JCAD: variants seen among roughly 807,000 people sequenced by gnomAD.
JCAD encodes the protein junctional cadherin 5 associated.
In JCAD, 40 loss-of-function variants were observed where a neutral mutation model predicts 98.0. The ratio of observed to expected loss-of-function variants is 0.41; its 90% CI spans 0.32 to 0.53. The LOEUF is 0.53. JCAD is among the 20% of genes least tolerant of loss of function. The probability of loss-of-function intolerance (pLI) is 0.31; values close to 1 mark genes in which losing one functional copy is unlikely to be tolerated. For missense variants in JCAD, 1,705 were observed against 1,738.1 expected (o/e 0.98, Z 0.34); for synonymous variants, 691 against 682.3 (o/e 1.01, Z -0.20).
chr10:30,071,160 C>A (rs1837879531), intron 1 of JCAD, among the ~76,000 whole-genome samples: 1 of 152,232 alleles, frequency 6.6e-6, no homozygotes, highest in Non-Finnish European at 1.5e-5. Flanking sequence ...CTGCCTCGGC[C>A]TCCCAAAGTG....
intron 2 of JCAD, among the ~76,000 whole-genome samples, chr10:30,042,094 C>A (rs371348883): frequency 2.6e-5 from 4 of 152,212 alleles, no homozygotes; most frequent in African/African-American, 7.2e-5. Flanking sequence ...TTCATCACTA[C>A]AGTCTGTTAA....
rs531337994 is a variant in JCAD, at chr10:30,028,852, T to A, written c.1296A>T (p.Arg432=). The A allele has an allele frequency of 1.1e-5, 17 of 1,614,170 alleles. No homozygotes were observed. Among genetic ancestry groups the A allele is most frequent in the Non-Finnish European group, 1.3e-5 (15 of 1,180,036 alleles). The change falls in exon 3 of 4, where the codon CGA becomes CGT. Residue 432 remains arginine (R), a synonymous_variant. Coordinates refer to ENST00000375377, the MANE Select transcript of JCAD (RefSeq NM_020848.4). ...QYIPFDDPRL[R]HFKLAQPQGF... ...CCTGGGGCTGAGCTAGTTTAAAATGTCGTAACCGTGGATCATCAAAGGGAA... is the reference window on the plus strand; with the variant it reads ...CCTGGGGCTGAGCTAGTTTAAAATGACGTAACCGTGGATCATCAAAGGGAA...
At chr10:30,040,635 G>A (rs903404386) in intron 2 of JCAD, among the ~76,000 whole-genome samples, 5 of 152,204 alleles carry the variant, frequency 3.3e-5, no homozygotes, top group African/African-American at 1.2e-4. Context: ...AGAAAAGGTG[G>A]TCACTAGTCA....
chr10:30,072,168 G>A (rs1043863091), intron 1 of JCAD, among the ~76,000 whole-genome samples: 28 of 151,894 alleles, frequency 1.8e-4, no homozygotes, highest in African/African-American at 6.8e-4. Flanking sequence ...GAGGAGGGAG[G>A]GAAGGAGAGA....
intron 1 of JCAD, among the ~76,000 whole-genome samples, chr10:30,078,115 G>A (rs983986205): frequency 2.6e-5 from 4 of 152,194 alleles, no homozygotes; most frequent in Non-Finnish European, 5.9e-5. Context: ...TAATGGGTAT[G>A]AAGTGGTATC....
chr10:30,101,133 G>T (rs1425766796), intron 1 of JCAD, among the ~76,000 whole-genome samples: 1 of 152,190 alleles, frequency 6.6e-6, no homozygotes, highest in Non-Finnish European at 1.5e-5. Context: ...GTTCTGGTTG[G>T]GTGCGATGGC....
At chr10:30,056,308 A>G (rs529470177) in intron 1 of JCAD, among the ~76,000 whole-genome samples, 11 of 152,192 alleles carry the variant, frequency 7.2e-5, no homozygotes, top group Non-Finnish European at 1.0e-4. Flanking sequence ...AAAGTGTTTG[A>G]CTTAAATTAT....
In JCAD at chr10:30,028,713, T is replaced by C. The variant is rs1365349034; in HGVS notation, c.1435A>G (p.Ser479Gly). The change falls in exon 3 of 4, where the codon AGC becomes GGC. Residue 479 changes from serine to glycine, a missense_variant. Transcript: ENST00000375377. ...QPDGAIWNPQ[S>G]LIPPSGDERG... Reference sequence around the variant, plus strand: ...TCATCCCCCGACGGGGGTATTAAGCTCTGTGGATTCCAAATGGCACCATCA... The same window carrying C: ...TCATCCCCCGACGGGGGTATTAAGCCCTGTGGATTCCAAATGGCACCATCA... The C allele has an allele frequency of 6.2e-7, 1 of 1,613,540 alleles. No homozygotes were observed. Among genetic ancestry groups the C allele is most frequent in the Non-Finnish European group, 8.5e-7 (1 of 1,179,708 alleles).
chr10:30,110,698 G>A (rs1284139352), intron 1 of JCAD, among the ~76,000 whole-genome samples: 3 of 150,742 alleles, frequency 2.0e-5, no homozygotes, highest in African/African-American at 7.3e-5. Context: ...GATATATGGA[G>A]CAGCTGATGT....
At chr10:30,041,118 T>C (rs1564450608) in intron 2 of JCAD, among the ~76,000 whole-genome samples, 1 of 152,062 alleles carries the variant, frequency 6.6e-6, no homozygotes. Flanking sequence ...GTGGGGAAAC[T>C]GGTGCTGGTA....
intron 3 of JCAD, among the ~76,000 whole-genome samples, chr10:30,019,356 T>TAA (rs1836608972): frequency 1.6e-5 from 1 of 60,860 alleles, no homozygotes; most frequent in African/African-American, 1.1e-4. Flanking sequence ...AAACTCTGTC[T>TAA]CAAAAAAAAA....
chr10:30,026,959 C>A lies in JCAD; in HGVS notation c.3189G>T (p.Glu1063Asp). The A allele has an allele frequency of 1.2e-6, 2 of 1,614,222 alleles. No individual in the cohort carries two copies. Among genetic ancestry groups the A allele is most frequent in the Non-Finnish European group, 1.7e-6 (2 of 1,180,044 alleles). Residue 1063 changes from glutamate (E) to aspartate (D), a missense_variant, in exon 3 of 4, where the codon GAG (glutamate) becomes GAT (aspartate). Physicochemically the swap from Glu to Asp is conservative, Grantham distance 45. Coordinates refer to ENST00000375377, the MANE Select transcript of JCAD (RefSeq NM_020848.4). ...TTGCTTCACCCAAAGACCCCTCTAG[C>A]TCACTGGCACCCTGTTCTTGCCCAG... is the stretch of plus-strand genomic sequence containing the variant. ...LTPGQEQGAS[E>D]LEGSLGEAST...
chr10:30,042,429 A>AT (rs1021871627), intron 2 of JCAD, among the ~76,000 whole-genome samples: 1 of 151,976 alleles, frequency 6.6e-6, no homozygotes, highest in Non-Finnish European at 1.5e-5. Context: ...CTGAAACTCA[A>AT]TTTTTTCAAA....
chr10:30,064,270 G>A (rs1256886358), upstream of JCAD, among the ~76,000 whole-genome samples: 1 of 152,052 alleles, frequency 6.6e-6, no homozygotes, highest in Non-Finnish European at 1.5e-5. Flanking sequence ...GCTAGCATGT[G>A]AGCATGCTCA....
At chr10:30,078,000 A>G (rs1349778673) in intron 1 of JCAD, among the ~76,000 whole-genome samples, 1 of 152,180 alleles carries the variant, frequency 6.6e-6, no homozygotes, top group Non-Finnish European at 1.5e-5. Context: ...TGTTTTCCAT[A>G]AGGACTGTAC....
intron 1 of JCAD, among the ~76,000 whole-genome samples, chr10:30,093,347 T>C (rs1321370967): frequency 6.6e-6 from 1 of 152,200 alleles, no homozygotes; most frequent in African/African-American, 2.4e-5. Flanking sequence ...TATGATAACT[T>C]TTGGTGTCCA....
In JCAD at chr10:30,028,528, T is replaced by C; in HGVS notation, c.1620A>G (p.Gln540=). 1 of 1,614,228 alleles carries C rather than the reference T, an allele frequency of 6.2e-7. No homozygotes were observed. The highest frequency in any genetic ancestry group is 8.5e-7 in the Non-Finnish European group (1 of 1,180,042). ...RGSQHGHTGR[Q]VSSPYSQGES... ...CGCCCTGTGAGTAAGGGGAGGAAACTTGTCTTCCAGTGTGCCCGTGCTGGC... is the reference window on the plus strand; with the variant it reads ...CGCCCTGTGAGTAAGGGGAGGAAACCTGTCTTCCAGTGTGCCCGTGCTGGC... The change falls in exon 3 of 4, where the codon CAA becomes CAG. Residue 540 remains glutamine (Q), a synonymous_variant. Transcript: ENST00000375377.
chr10:30,029,354 C>G lies in JCAD; in HGVS notation c.794G>C (p.Cys265Ser), dbSNP rs974368384. The G allele has an allele frequency of 8.7e-6, 14 of 1,613,794 alleles. No homozygotes were observed. The Admixed American group carries it at 1.3e-4, about 15-fold the overall frequency. Reference sequence around the variant, plus strand: ...CCTCGTGGAGTCCAAATTTGGTGCGCAAGTGGGAGGATACGGTGGCATTTT... The same window carrying G: ...CCTCGTGGAGTCCAAATTTGGTGCGGAAGTGGGAGGATACGGTGGCATTTT... ...SPKMPPYPPT[C>S]APNLDSTRNS... Residue 265 changes from cysteine (C) to serine (S), a missense_variant, in exon 3 of 4, where the codon TGC becomes TCC. By Grantham distance (112) the Cys-to-Ser change is moderately radical. Around this residue, in one of 3 missense-constraint regions of JCAD, gnomAD observed 275 missense variants for 346.9 expected, o/e 0.79. Coordinates refer to ENST00000375377, the MANE Select transcript of JCAD (RefSeq NM_020848.4).
intron 1 of JCAD, among the ~76,000 whole-genome samples, chr10:30,082,469 A>G (rs1021913482): frequency 3.9e-5 from 6 of 152,206 alleles, no homozygotes; most frequent in African/African-American, 9.6e-5. Flanking sequence ...CTATAATCCC[A>G]GCACTTTGAG....
Sources: gnomAD v4.1 joint callset for allele counts (sites outside exome capture counted in the v4.1 genomes callset) on GRCh38, gnomAD v4.1.1 for gene constraint, gnomAD v4.1.1 regional missense constraint, MANE v1.5 for transcripts, NCBI Gene and HGNC (gene_info 2026-07-23, HGNC 2026-07-21) for gene names.